The following NRG4 variants were observed in gnomAD, a reference collection of about 807,000 sequenced individuals.
NRG4 encodes pro-neuregulin-4, membrane-bound isoform.
NRG4 carries 10 observed loss-of-function variants against 15.0 expected under a neutral mutation model. That is an observed-to-expected ratio of 0.67 (90% confidence interval 0.41 to 1.13). The LOEUF is 1.13. NRG4 is among the 50% of genes most tolerant of loss of function. The probability of loss-of-function intolerance (pLI) is 0.00; values close to 1 mark genes in which losing one functional copy is unlikely to be tolerated. For synonymous variants in NRG4, 41 were observed against 50.1 expected, an observed-to-expected ratio of 0.82 and a Z score of 0.77; for missense variants, 139 against 140.2, an observed-to-expected ratio of 0.99 and a Z score of 0.04.
chr15:75,993,374 A>G (rs1363078822), intron 3 of NRG4, among the ~76,000 whole-genome samples: 2 of 144,928 alleles, frequency 1.4e-5, no homozygotes, highest in Non-Finnish European at 3.0e-5. Flanking sequence ...ATCATTTGAC[A>G]AGTCACTGAG....
chr15:75,939,278 A>T (rs1442649710), downstream of NRG4: 1 of 152,170 alleles, frequency 6.6e-6, no homozygotes, highest in Non-Finnish European at 1.5e-5. Context: ...ATTCTAGAAA[A>T]ATGAAAAGGG....
At chr15:75,976,032 G>A (rs372474693) in intron 3 of NRG4, among the ~76,000 whole-genome samples, 2 of 149,374 alleles carry the variant, frequency 1.3e-5, no homozygotes, top group Non-Finnish European at 3.0e-5. Flanking sequence ...CCCATATTTC[G>A]TTCCTTTTCA....
At position 76,048,152 on chromosome 15, in the gene NRG4, CAAAAAAA is replaced by C. The variant is rs113391379; in HGVS notation, c.-105+3908_-105+3914del. 7.3e-5 allele frequency among the ~76,000 whole-genome samples: 5 copies of C among 68,766 alleles called. 1 individual carries two copies. Among genetic ancestry groups the C allele is most frequent in the African/African-American group, 2.5e-4 (5 of 19,678 alleles). The allele number at this position is 68,766 out of a possible 152,430, so 45.1% of individuals were successfully genotyped here. A position where few individuals can be genotyped will look rare whatever the true frequency, so the allele number is the denominator to read the frequency against. On this transcript the variant is annotated intron_variant, in intron 4 of 8. Coordinates refer to the NRG4 transcript ENST00000563910. ...CTGGGTGACAAGAGAAACCCTGTTT[CAAAAAAA>C]AAAAAAAAAAAGTTTCAAAAGCTGG...
intron 3 of NRG4, among the ~76,000 whole-genome samples, 161 bp downstream of exon 3, chr15:76,009,035 TTTTG>T (rs2141907106): frequency 6.6e-6 from 1 of 152,336 alleles, no homozygotes; most frequent in East Asian, 1.9e-4. Flanking sequence ...TGCTATTTTA[TTTTG>T]TTTTTGTTTT....
chr15:76,049,030 C>A (rs868093002), intron 4 of NRG4, among the ~76,000 whole-genome samples: 1 of 149,922 alleles, frequency 6.7e-6, no homozygotes, highest in East Asian at 1.9e-4. Flanking sequence ...GGGGATAGAG[C>A]AATACTCCGT....
intron 4 of NRG4, among the ~76,000 whole-genome samples, chr15:76,039,825 AC>A (rs2035687113): frequency 6.6e-6 from 1 of 152,188 alleles, no homozygotes; most frequent in African/African-American, 2.4e-5. Context: ...CCAAAGGTGG[AC>A]CATTTGAGGC....
At chr15:76,044,756 G>T (rs913429034) in intron 4 of NRG4, among the ~76,000 whole-genome samples, 2 of 148,686 alleles carry the variant, frequency 1.3e-5, no homozygotes, top group Admixed American at 1.3e-4. Flanking sequence ...CAGGAGAATG[G>T]CATGAACCTA....
chr15:76,043,421 T>A (rs1023195182), intron 4 of NRG4, among the ~76,000 whole-genome samples: 1 of 152,244 alleles, frequency 6.6e-6, no homozygotes, highest in Admixed American at 6.5e-5. Flanking sequence ...CATCAAAAAA[T>A]TTAGAACTGA....
chr15:76,031,168 T>C (rs76618651), intron 5 of NRG4, among the ~76,000 whole-genome samples: 5,632 of 152,074 alleles, frequency 0.037, 181 homozygotes, highest in African/African-American at 0.085. Context: ...AACTTCAATA[T>C]CCATTCATGA....
intron 5 of NRG4, among the ~76,000 whole-genome samples, chr15:76,031,339 C>T (rs2035467047): frequency 1.3e-5 from 2 of 152,264 alleles, no homozygotes; most frequent in South Asian, 4.1e-4. Flanking sequence ...ATTTCTATCA[C>T]CACTATACTG....
rs1414288503 is a variant in NRG4, at chr15:75,941,541, A to G, written c.*2097T>C. The stretch of plus-strand genomic sequence containing the variant: ...AACAACCCAAATACCCAACAGATGA[A>G]TGGATAGACAAAATGTGTTATATCC... On this transcript the variant is annotated 3_prime_UTR_variant, in exon 6 of 6. Transcript: ENST00000394907. 1 of 152,232 alleles carries G rather than the reference A, an allele frequency of 6.6e-6. No individual in the cohort carries two copies. The highest frequency in any genetic ancestry group is 1.5e-5 in the Non-Finnish European group (1 of 68,030). 9.4% of individuals were successfully genotyped at this position (152,232 alleles called of 1,614,324 possible). A position where few individuals can be genotyped will look rare whatever the true frequency, so the allele number is the denominator to read the frequency against.
At chr15:75,936,487 C>T (rs1005701829), downstream of NRG4, 1 of 152,266 alleles carries the variant, frequency 6.6e-6, no homozygotes, top group South Asian at 2.1e-4. Context: ...CTACCCTATG[C>T]CACAACTGAA....
chr15:76,024,305 A>C (rs2141932131), intron 5 of NRG4, among the ~76,000 whole-genome samples: 1 of 152,164 alleles, frequency 6.6e-6, no homozygotes, highest in East Asian at 1.9e-4. Context: ...TGTGTACCCA[A>C]GTCCTGGCCA....
rs184057256 is a variant in NRG4 at position 76,056,957 on chromosome 15, A to G, written c.-265T>C. 189 of 152,344 alleles carry G rather than the reference A, an allele frequency of 1.2e-3. 1 individual carries two copies. The highest frequency in any genetic ancestry group is 4.3e-3 in the African/African-American group (177 of 41,574). The allele number at this position is 152,344 out of a possible 1,614,324, so 9.4% of individuals were successfully genotyped here. ...ACTAAAAGAAAATCTGACTTACCTCAAAAGGTATCTTGGTATGAGAGAGAA... is the reference window on the plus strand; with the variant it reads ...ACTAAAAGAAAATCTGACTTACCTCGAAAGGTATCTTGGTATGAGAGAGAA... On this transcript the variant is annotated 5_prime_UTR_variant, in exon 2 of 9. Transcript: ENST00000563910.
chr15:75,973,208 T>G (rs1168856136), intron 3 of NRG4, among the ~76,000 whole-genome samples: 2 of 152,230 alleles, frequency 1.3e-5, no homozygotes, highest in Admixed American at 1.3e-4. Context: ...TTGTGATTTT[T>G]GCACACTGAT....
chr15:75,936,098 A>C (rs2030315018), downstream of NRG4: 1 of 152,088 alleles, frequency 6.6e-6, no homozygotes, highest in South Asian at 2.1e-4. Context: ...CAAATCTGAG[A>C]ACTTTCTATG....
At chr15:75,940,170 A>G (rs915185057), downstream of NRG4, 26 of 152,102 alleles carry the variant, frequency 1.7e-4, no homozygotes, top group African/African-American at 5.8e-4. Flanking sequence ...TCAACCCACA[A>G]AAGTCAGTTG....
At chr15:75,947,210 A>G (rs915287542) in intron 5 of NRG4, among the ~76,000 whole-genome samples, 4 of 152,204 alleles carry the variant, frequency 2.6e-5, no homozygotes, top group Admixed American at 6.5e-5. Context: ...TAATTGTAAA[A>G]AACACTTCCC....
chr15:75,964,917 A>G (rs964516676), intron 3 of NRG4, among the ~76,000 whole-genome samples: 1 of 150,870 alleles, frequency 6.6e-6, no homozygotes, highest in African/African-American at 2.4e-5. Flanking sequence ...GTGAGAGGCT[A>G]TTCCAAATAA....
Sources: allele counts gnomAD v4.1 joint callset (sites outside exome capture counted in the v4.1 genomes callset), GRCh38; gene constraint gnomAD v4.1.1; transcripts MANE v1.5; gene names NCBI Gene and HGNC (gene_info 2026-07-23, HGNC 2026-07-21).